Variants in DLC1 observed in about 807,000 individuals in gnomAD.
DLC1 encodes the protein DLC1 Rho GTPase activating protein.
A neutral mutation model predicts 140.3 loss-of-function variants in DLC1; 54 were observed. That is an observed-to-expected ratio of 0.38 (90% CI 0.31 to 0.48). The LOEUF (loss-of-function observed/expected upper bound fraction) is 0.48. Among genes scored for constraint, DLC1 ranks in the 20% least tolerant of loss-of-function variants. DLC1 has a pLI of 0.96. For synonymous variants in DLC1, 986 were observed against 728.1 expected, an observed-to-expected ratio of 1.35 and a Z score of -5.70; for missense variants, 2,536 against 1,907.0, an observed-to-expected ratio of 1.33 and a Z score of -6.14.
At chr8:13,528,043 G>C (rs922327505) in intron 1 of DLC1, among the ~76,000 whole-genome samples, 1 of 151,912 alleles carries the variant, frequency 6.6e-6, no homozygotes, top group Admixed American at 6.6e-5. Flanking sequence ...TTACACATGG[G>C]CATCCAAAAA....
Position 13,085,815 on chromosome 8 carries a change from C to T in DLC1, c.4583G>A (p.Arg1528Lys). The T allele has an allele frequency of 6.2e-7, 1 of 1,614,124 alleles. No homozygotes were observed. The highest frequency in any genetic ancestry group is 8.5e-7 in the Non-Finnish European group (1 of 1,180,000). ...QNTETKDTKS[R>K] ...GCGGTTGCGTTGCTTCAGTGATCACCTAGATTTGGTGTCTTTGGTTTCAGT... is the reference window on the plus strand; with the variant it reads ...GCGGTTGCGTTGCTTCAGTGATCACTTAGATTTGGTGTCTTTGGTTTCAGT... The change falls in exon 18 of 18, where the codon AGG becomes AAG. Residue 1528 changes from arginine to lysine, a missense_variant. Transcript: ENST00000276297.
At chr8:13,293,987 A>G (rs991760421) in intron 5 of DLC1, among the ~76,000 whole-genome samples, 2 of 152,210 alleles carry the variant, frequency 1.3e-5, no homozygotes. Flanking sequence ...TTTATCGAAC[A>G]CTCAGGATAT....
chr8:13,292,671 C>T (rs1586081803), intron 5 of DLC1, among the ~76,000 whole-genome samples: 1 of 151,972 alleles, frequency 6.6e-6, no homozygotes, highest in Non-Finnish European at 1.5e-5. Context: ...GTCCTACGTA[C>T]AAGTGTATTT....
At chr8:13,379,231 T>C (rs1836139628) in intron 4 of DLC1, among the ~76,000 whole-genome samples, 2 of 152,208 alleles carry the variant, frequency 1.3e-5, no homozygotes, top group South Asian at 4.1e-4. Context: ...TTCTTTTTAC[T>C]TGCCTGGAGT....
In DLC1 at chr8:13,094,789, G is replaced by A. The variant is rs1300098745; in HGVS notation, c.3496C>T (p.Leu1166Phe). The change falls in exon 12 of 18, where the codon CTC (leucine) becomes TTC (phenylalanine). Residue 1166 changes from leucine (L) to phenylalanine (F), a missense_variant. Transcript: ENST00000276297. ...DLPEPLMTNK[L>F]SETFLQIYQY... ...TAGATCTGTAGAAAGGTTTCCGAGA[G>A]TTTGTTCGTCATTAGTGGCTCAGGA... 1.9e-6 allele frequency: 3 copies of A among 1,614,204 alleles called. No individual in the cohort carries two copies. Among genetic ancestry groups the A allele is most frequent in the Non-Finnish European group, 2.5e-6 (3 of 1,180,036 alleles).
At chr8:13,337,542 T>C (rs746923261) in intron 4 of DLC1, among the ~76,000 whole-genome samples, 29 of 152,140 alleles carry the variant, frequency 1.9e-4, no homozygotes, top group Non-Finnish European at 3.5e-4. Flanking sequence ...GATGGAAAAA[T>C]TAGGGCACAG....
chr8:13,391,432 C>T (rs1174807476), intron 4 of DLC1, among the ~76,000 whole-genome samples: 1 of 152,054 alleles, frequency 6.6e-6, no homozygotes, highest in African/African-American at 2.4e-5. Context: ...ATTTGGAGTA[C>T]ATACAAATAT....
At chr8:13,319,182 C>T (rs1015548109) in intron 4 of DLC1, among the ~76,000 whole-genome samples, 3 of 152,162 alleles carry the variant, frequency 2.0e-5, no homozygotes, top group African/African-American at 4.8e-5. Context: ...ATTAGAAGCA[C>T]ATCAACAAAA....
chr8:13,562,205 G>A (rs1295601268), intron 1 of DLC1, among the ~76,000 whole-genome samples: 1 of 151,886 alleles, frequency 6.6e-6, no homozygotes. Context: ...CAATCCAAGG[G>A]CAAGTAGGAA....
rs1163273215 is a variant in DLC1, at chr8:13,218,832, CTATATATGAATATAATTATATAAT to C, written c.1348+86413_1348+86436del. 4.3e-3 allele frequency among the ~76,000 whole-genome samples: 158 copies of C among 36,992 alleles called. 5 individuals carry two copies. The highest frequency in any genetic ancestry group is 0.024 in the African/African-American group (139 of 5,840). 24.3% of individuals were successfully genotyped at this position (36,992 alleles called of 152,430 possible). A position where few individuals can be genotyped will look rare whatever the true frequency, so the allele number is the denominator to read the frequency against. ...TATATTCATAATTATATGAATATAA[CTATATATGAATATAATTATATAAT>C]TATATATGAATATAATTATATAATT... On this transcript the variant is annotated intron_variant, in intron 5 of 17. Coordinates refer to ENST00000276297, the MANE Select transcript of DLC1 (RefSeq NM_182643.3).
chr8:13,304,972 C>T, intron 5 of DLC1: 2 of 1,050,998 alleles, frequency 1.9e-6, no homozygotes, highest in Non-Finnish European at 2.3e-6. Context: ...ATTCATTCCC[C>T]AGAACCTTGA....
intron 5 of DLC1, among the ~76,000 whole-genome samples, chr8:13,300,352 G>A (rs1234820971): frequency 1.3e-5 from 2 of 152,150 alleles, no homozygotes; most frequent in Admixed American, 1.3e-4. Context: ...TAGGTGATGG[G>A]TTGATAGGTG....
chr8:13,306,108 G>A (rs1192001577), intron 4 of DLC1, among the ~76,000 whole-genome samples: 1 of 152,090 alleles, frequency 6.6e-6, no homozygotes, highest in African/African-American at 2.4e-5. Context: ...ACTAAAGGAA[G>A]CAGCCTCTAT....
chr8:13,396,172 G>GC (rs2117228418), intron 3 of DLC1, among the ~76,000 whole-genome samples: 1 of 148,400 alleles, frequency 6.7e-6, no homozygotes, highest in South Asian at 2.1e-4. Context: ...CCATTCTCCT[G>GC]CCTCGGCCTC....
intron 1 of DLC1, among the ~76,000 whole-genome samples, chr8:13,512,479 CT>C (rs1802419811): frequency 6.6e-6 from 1 of 152,106 alleles, no homozygotes; most frequent in African/African-American, 2.4e-5. Context: ...AATTAAATGA[CT>C]TTGTAGAAGG....
intron 1 of DLC1, among the ~76,000 whole-genome samples, chr8:13,592,911 T>G (rs996117128): frequency 4.6e-5 from 7 of 152,196 alleles, no homozygotes; most frequent in African/African-American, 1.2e-4. Context: ...CCCAGAAATC[T>G]TACTGAGTCA....
At chr8:13,280,691 T>G (rs1159560658) in intron 5 of DLC1, among the ~76,000 whole-genome samples, 1 of 152,214 alleles carries the variant, frequency 6.6e-6, no homozygotes, top group Non-Finnish European at 1.5e-5. Flanking sequence ...TAAATCCACT[T>G]TGGTCTTATG....
At chr8:13,426,975 A>G (rs1168446695) in intron 2 of DLC1, among the ~76,000 whole-genome samples, 1 of 152,126 alleles carries the variant, frequency 6.6e-6, no homozygotes, top group East Asian at 1.9e-4. Flanking sequence ...GTGCTTAAGT[A>G]TGAATCCCCC....
At chr8:13,531,883 A>C (rs1803110841) in intron 1 of DLC1, among the ~76,000 whole-genome samples, 1 of 152,196 alleles carries the variant, frequency 6.6e-6, no homozygotes, top group Middle Eastern at 3.4e-3. Context: ...GAAAAAATAA[A>C]CCCCCTACTT....
Sources: allele counts gnomAD v4.1 joint callset (sites outside exome capture counted in the v4.1 genomes callset), GRCh38; gene constraint gnomAD v4.1.1; transcripts MANE v1.5; gene names NCBI Gene and HGNC (gene_info 2026-07-23, HGNC 2026-07-21).